The following CHCHD3 variants were observed in gnomAD, a reference collection of about 807,000 sequenced individuals.
CHCHD3 encodes coiled-coil-helix-coiled-coil-helix domain containing 3.
In CHCHD3, 20 loss-of-function variants were observed where a neutral mutation model predicts 38.2. The observed-to-expected ratio is 0.52, with a 90% CI of 0.37 to 0.76. CHCHD3 has a LOEUF of 0.76. Ranked by LOEUF, CHCHD3 falls within the 30% of genes least tolerant of loss-of-function variation. The probability of loss-of-function intolerance (pLI) is 0.00; values close to 1 mark genes in which losing one functional copy is unlikely to be tolerated. For synonymous variants in CHCHD3, 82 were observed against 100.0 expected (o/e 0.82, Z 1.07); for missense variants, 245 against 279.2 (o/e 0.88, Z 0.87).
intron 5 of CHCHD3, among the ~76,000 whole-genome samples, chr7:132,880,928 A>G (rs933655695): frequency 6.6e-6 from 1 of 152,192 alleles, no homozygotes; most frequent in Admixed American, 6.5e-5. Flanking sequence ...ATCACCAACC[A>G]GGAATTAATA....
chr7:133,042,911 G>A (rs1003954808), intron 2 of CHCHD3, among the ~76,000 whole-genome samples: 3 of 152,054 alleles, frequency 2.0e-5, no homozygotes, highest in Non-Finnish European at 4.4e-5. Flanking sequence ...TTGCCACCCA[G>A]GCTGGAGCCT....
chr7:132,824,605 C>T (rs1200603088), intron 6 of CHCHD3, among the ~76,000 whole-genome samples: 3 of 152,132 alleles, frequency 2.0e-5, no homozygotes, highest in African/African-American at 2.4e-5. Context: ...TGAGCCACCA[C>T]GCTCGGCCAC....
At chr7:132,803,023 C>T (rs1473809977) in intron 6 of CHCHD3, among the ~76,000 whole-genome samples, 3 of 152,090 alleles carry the variant, frequency 2.0e-5, no homozygotes, top group East Asian at 1.9e-4. Flanking sequence ...CAAATAATAA[C>T]GCTGTAATAA....
At chr7:132,937,198 G>C (rs1810651123) in intron 4 of CHCHD3, among the ~76,000 whole-genome samples, 1 of 152,068 alleles carries the variant, frequency 6.6e-6, no homozygotes, top group Non-Finnish European at 1.5e-5. Context: ...CCACTCAACA[G>C]CTTTGATAAA....
chr7:132,952,604 G>C (rs1227717950), intron 4 of CHCHD3, among the ~76,000 whole-genome samples: 1 of 152,216 alleles, frequency 6.6e-6, no homozygotes, highest in Non-Finnish European at 1.5e-5. Context: ...TGAATAGAGA[G>C]ATGAGCAGTT....
At chr7:132,822,439 A>G (rs1277820329) in intron 6 of CHCHD3, among the ~76,000 whole-genome samples, 1 of 152,154 alleles carries the variant, frequency 6.6e-6, no homozygotes, top group African/African-American at 2.4e-5. Flanking sequence ...TTTAAAAAAA[A>G]AAGTCTTGGG....
chr7:132,941,448 C>T (rs904543975), intron 4 of CHCHD3, among the ~76,000 whole-genome samples: 2 of 152,130 alleles, frequency 1.3e-5, no homozygotes, highest in Admixed American at 1.3e-4. Flanking sequence ...AAAATACCCC[C>T]ACTAAGACCA....
intron 4 of CHCHD3, among the ~76,000 whole-genome samples, chr7:132,895,555 C>T (rs1389665468): frequency 6.6e-6 from 1 of 152,222 alleles, no homozygotes; most frequent in Non-Finnish European, 1.5e-5. Context: ...CCCCTAATTC[C>T]CACGTGTCAT....
chr7:132,892,715 A>G (rs4731918), intron 4 of CHCHD3, among the ~76,000 whole-genome samples: 30,673 of 152,086 alleles, frequency 0.2, 3,482 homozygotes, highest in South Asian at 0.27. Context: ...TGGTGCCCTG[A>G]GTCCCAGCAG....
chr7:133,008,111 A>G (rs1004553260), intron 3 of CHCHD3, among the ~76,000 whole-genome samples: 1 of 152,216 alleles, frequency 6.6e-6, no homozygotes, highest in Non-Finnish European at 1.5e-5. Flanking sequence ...AGTGCAACCA[A>G]TTCATGACTG....
intron 6 of CHCHD3, among the ~76,000 whole-genome samples, chr7:132,822,257 T>C (rs568446136): frequency 6.6e-6 from 1 of 152,278 alleles, no homozygotes; most frequent in South Asian, 2.1e-4. Flanking sequence ...TGCTCTGTAG[T>C]TTTTCTCAGA....
chr7:132,836,112 G>A (rs1484080019), intron 6 of CHCHD3, among the ~76,000 whole-genome samples: 1 of 149,474 alleles, frequency 6.7e-6, no homozygotes, highest in African/African-American at 2.5e-5. Flanking sequence ...ACAAATTCAT[G>A]TGTCTGATTT....
chr7:132,909,361 C>A (rs553915668), intron 4 of CHCHD3, among the ~76,000 whole-genome samples: 1 of 151,946 alleles, frequency 6.6e-6, no homozygotes, highest in Non-Finnish European at 1.5e-5. Flanking sequence ...AGGTGTGGTG[C>A]GCATCTGTCG....
chr7:132,912,643 C>T (rs1183638745), intron 4 of CHCHD3, among the ~76,000 whole-genome samples: 1 of 152,152 alleles, frequency 6.6e-6, no homozygotes, highest in Non-Finnish European at 1.5e-5. Context: ...CAATGTCTGC[C>T]TCCTGGGTTC....
In CHCHD3 at chr7:132,889,477, G is replaced by A. The variant is rs557362370; in HGVS notation, c.370-3732C>T. On this transcript the variant is annotated intron_variant, in intron 4 of 7. Coordinates refer to ENST00000262570, the MANE Select transcript of CHCHD3 (RefSeq NM_017812.4). ...TTACAACCTAAATAAAGGGTGTACA[G>A]CTATATGCTCACTCACTTTTCTAAG... 7.9e-5 allele frequency among the ~76,000 whole-genome samples: 12 copies of A among 152,232 alleles called. No homozygotes were observed. In the South Asian group the frequency reaches 2.3e-3, roughly 29 times the overall value.
chr7:132,921,628 C>CACA (rs5887601), intron 4 of CHCHD3, among the ~76,000 whole-genome samples: 3,390 of 150,870 alleles, frequency 0.022, 122 homozygotes, highest in African/African-American at 0.072. Flanking sequence ...ATATGACACA[C>CACA]ACAACAACAA....
At chr7:132,790,617 A>G (rs1421693667) in intron 7 of CHCHD3, among the ~76,000 whole-genome samples, 1 of 152,224 alleles carries the variant, frequency 6.6e-6, no homozygotes, top group East Asian at 1.9e-4. Flanking sequence ...CAGCTGGGCA[A>G]TTAATAAATG....
intron 6 of CHCHD3, among the ~76,000 whole-genome samples, chr7:132,837,218 G>A (rs570252738): frequency 6.6e-6 from 1 of 152,024 alleles, no homozygotes; most frequent in African/African-American, 2.4e-5. Flanking sequence ...CAACTCGAAG[G>A]TTCTCATGGG....
At chr7:133,013,185 CAAAAAAA>C (rs778964079) in intron 3 of CHCHD3, among the ~76,000 whole-genome samples, 2 of 18,420 alleles carry the variant, frequency 1.1e-4, no homozygotes, top group Admixed American at 6.6e-4. Context: ...GACTCCGCCT[CAAAAAAA>C]AAAAAAAAAA....
Sources: gnomAD v4.1 joint callset for allele counts (sites outside exome capture counted in the v4.1 genomes callset) on GRCh38, gnomAD v4.1.1 for gene constraint, MANE v1.5 for transcripts, NCBI Gene and HGNC (gene_info 2026-07-23, HGNC 2026-07-21) for gene names.